The following MYO1D variants were observed in gnomAD, a reference collection of about 807,000 sequenced individuals.
The protein encoded by MYO1D is myosin ID, also known as unconventional myosin-Id.
In MYO1D, 83 loss-of-function variants were observed where a neutral mutation model predicts 122.0. The observed-to-expected ratio is 0.68, with a 90% CI of 0.57 to 0.82. The LOEUF is 0.82. Among genes scored for constraint, MYO1D ranks in the 40% least tolerant of loss-of-function variants. MYO1D has a pLI of 0.00. For missense variants in MYO1D, 1,157 were observed against 1,269.5 expected, an observed-to-expected ratio of 0.91 and a Z score of 1.35; for synonymous variants, 464 against 446.9, an observed-to-expected ratio of 1.04 and a Z score of -0.48.
chr17:32,726,776 T>C (rs1483883672), intron 14 of MYO1D, among the ~76,000 whole-genome samples: 2 of 151,018 alleles, frequency 1.3e-5, no homozygotes, highest in Non-Finnish European at 3.0e-5. Context: ...TGTATATGCA[T>C]GTTATTTTGG....
At chr17:32,802,652 C>A (rs1056584087) in intron 1 of MYO1D, among the ~76,000 whole-genome samples, 2 of 152,168 alleles carry the variant, frequency 1.3e-5, no homozygotes, top group African/African-American at 4.8e-5. Context: ...TTAAAAACTC[C>A]TAAATTTCAT....
intron 1 of MYO1D, among the ~76,000 whole-genome samples, chr17:32,864,044 T>TTTTTTTTTTA (rs2091102693): frequency 8.9e-6 from 1 of 112,278 alleles, no homozygotes; most frequent in Non-Finnish European, 1.9e-5. Context: ...TTTTTTTTTT[T>TTTTTTTTTTA]GGTGTTTGCA....
intron 21 of MYO1D, among the ~76,000 whole-genome samples, chr17:32,509,724 G>C (rs1909620140): frequency 6.6e-6 from 1 of 152,138 alleles, no homozygotes; most frequent in South Asian, 2.1e-4. Flanking sequence ...GAGTAGCTGG[G>C]ACTATAGGCG....
At chr17:32,771,603 A>G (rs768908436) in intron 5 of MYO1D, among the ~76,000 whole-genome samples, 2 of 152,250 alleles carry the variant, frequency 1.3e-5, no homozygotes, top group Non-Finnish European at 2.9e-5. Flanking sequence ...GAAAAAGTCA[A>G]TATTGCTACG....
chr17:32,526,990 C>A (rs1039565906), intron 21 of MYO1D, among the ~76,000 whole-genome samples: 8 of 152,264 alleles, frequency 5.3e-5, no homozygotes, highest in Non-Finnish European at 1.2e-4. Flanking sequence ...CCAGTCCCAA[C>A]CTTCTGCCTA....
In MYO1D at chr17:32,731,154, G is replaced by A. The variant is rs186303948; in HGVS notation, c.1746+7099C>T. ...GATCTCCTGACCTTGTGATCTGCTCGCCTCGGCCTCCCAAAGTGCTGGGAT... is the reference window on the plus strand; with the variant it reads ...GATCTCCTGACCTTGTGATCTGCTCACCTCGGCCTCCCAAAGTGCTGGGAT... On this transcript the variant is annotated intron_variant, in intron 14 of 21. Transcript: ENST00000318217. Among the ~76,000 whole-genome samples, 24 of 152,114 alleles carry A rather than the reference G, an allele frequency of 1.6e-4. No homozygotes were observed. The East Asian group carries it at 3.7e-3, about 23-fold the overall frequency.
At chr17:32,572,527 CTT>C (rs1490193934) in intron 21 of MYO1D, among the ~76,000 whole-genome samples, 1 of 152,168 alleles carries the variant, frequency 6.6e-6, no homozygotes, top group East Asian at 1.9e-4. Flanking sequence ...CAGCCACCCT[CTT>C]GTCTTGCTAT....
chr17:32,784,956 T>C (rs1439022361), intron 1 of MYO1D, among the ~76,000 whole-genome samples: 2 of 152,108 alleles, frequency 1.3e-5, no homozygotes, highest in African/African-American at 4.8e-5. Context: ...AAACCAGGCT[T>C]AGGGAGTTTA....
chr17:32,631,799 A>G (rs1004735895), intron 20 of MYO1D, among the ~76,000 whole-genome samples: 2 of 152,220 alleles, frequency 1.3e-5, no homozygotes, highest in African/African-American at 4.8e-5. Context: ...GCACACGTGT[A>G]TTTCAAGGGT....
At chr17:32,540,802 T>C (rs1910815858) in intron 21 of MYO1D, among the ~76,000 whole-genome samples, 1 of 151,288 alleles carries the variant, frequency 6.6e-6, no homozygotes, top group African/African-American at 2.4e-5. Context: ...GGTGTGGGCC[T>C]GTAATCCCAG....
At chr17:32,798,143 C>T (rs918479193) in intron 1 of MYO1D, among the ~76,000 whole-genome samples, 4 of 152,160 alleles carry the variant, frequency 2.6e-5, no homozygotes, top group East Asian at 1.9e-4. Context: ...GTTTCCCAGA[C>T]GCTCCTAAAG....
At chr17:32,782,613 A>C (rs921466878) in intron 1 of MYO1D, among the ~76,000 whole-genome samples, 3 of 152,212 alleles carry the variant, frequency 2.0e-5, no homozygotes, top group Admixed American at 6.5e-5. Flanking sequence ...ATCCTTACAC[A>C]TGAGGAATGA....
intron 1 of MYO1D, among the ~76,000 whole-genome samples, chr17:32,868,367 C>T (rs1229773777): frequency 1.3e-5 from 2 of 152,160 alleles, no homozygotes; most frequent in Non-Finnish European, 2.9e-5. Context: ...CAAAGTCACA[C>T]AGGTGGTAGT....
intron 16 of MYO1D, among the ~76,000 whole-genome samples, chr17:32,681,555 A>G (rs2088917679): frequency 6.6e-6 from 1 of 151,216 alleles, no homozygotes; most frequent in Non-Finnish European, 1.5e-5. Flanking sequence ...CATGTAGTTG[A>G]GCGGCTTTGA....
chr17:32,814,322 G>A (rs907352661), intron 1 of MYO1D, among the ~76,000 whole-genome samples: 2 of 152,180 alleles, frequency 1.3e-5, no homozygotes, highest in African/African-American at 2.4e-5. Context: ...CCAGCCTGGC[G>A]ACAGAGCAAG....
intron 1 of MYO1D, among the ~76,000 whole-genome samples, chr17:32,858,438 C>A (rs994422062): frequency 6.6e-6 from 1 of 152,200 alleles, no homozygotes; most frequent in Non-Finnish European, 1.5e-5. Context: ...TTCTAGAATA[C>A]TTCCTCAGTC....
chr17:32,632,376 A>C (rs1387647527), intron 20 of MYO1D: 1 of 152,084 alleles, frequency 6.6e-6, no homozygotes, highest in Non-Finnish European at 1.5e-5. Flanking sequence ...TTTCACATAA[A>C]ATGCAGACTT....
chr17:32,678,641 C>T (rs1385710907), intron 16 of MYO1D, among the ~76,000 whole-genome samples: 1 of 150,734 alleles, frequency 6.6e-6, no homozygotes, highest in Non-Finnish European at 1.5e-5. Context: ...GCCACATTTT[C>T]TTAATCCAGT....
At chr17:32,835,760 T>C (rs1290138320) in intron 1 of MYO1D, among the ~76,000 whole-genome samples, 1 of 152,196 alleles carries the variant, frequency 6.6e-6, no homozygotes, top group Non-Finnish European at 1.5e-5. Flanking sequence ...CTGGTCATGC[T>C]TCTTCTGAAT....
Sources: gnomAD v4.1 joint callset for allele counts (sites outside exome capture counted in the v4.1 genomes callset) on GRCh38, gnomAD v4.1.1 for gene constraint, MANE v1.5 for transcripts, NCBI Gene and HGNC (gene_info 2026-07-23, HGNC 2026-07-21) for gene names.